The following IL2RA variants were observed in gnomAD, a reference collection of about 807,000 sequenced individuals.
The protein encoded by IL2RA is interleukin-2 receptor subunit alpha.
IL2RA carries 24 observed loss-of-function variants against 37.8 expected under a neutral mutation model. That is an observed-to-expected ratio of 0.63 (90% CI 0.46 to 0.89). The LOEUF (loss-of-function observed/expected upper bound fraction) is 0.89, where lower values mean the gene tolerates loss of function less well. Among genes scored for constraint, IL2RA ranks in the 40% least tolerant of loss-of-function variants. The probability of loss-of-function intolerance (pLI) is 0.00; values close to 1 mark genes in which losing one functional copy is unlikely to be tolerated. For missense variants in IL2RA, 319 were observed against 348.6 expected, an observed-to-expected ratio of 0.92 and a Z score of 0.68; for synonymous variants, 125 against 114.6, an observed-to-expected ratio of 1.09 and a Z score of -0.58.
intron 1 of IL2RA, among the ~76,000 whole-genome samples, chr10:6,037,716 C>T (rs371457116): frequency 6.6e-6 from 1 of 152,118 alleles, no homozygotes; most frequent in Non-Finnish European, 1.5e-5. Context: ...TCACTGCCCC[C>T]CTGTGGCCCC....
rs938473939 is a variant in IL2RA at position 6,035,781 on chromosome 10, C to T, written c.65-9756G>A. Among the ~76,000 whole-genome samples the T allele has an allele frequency of 2.6e-5, 4 of 152,188 alleles. No homozygotes were observed. Among genetic ancestry groups the T allele is most frequent in the Non-Finnish European group, 5.9e-5 (4 of 68,034 alleles). On this transcript the variant is annotated intron_variant, in intron 1 of 7. Coordinates refer to ENST00000379959, the MANE Select transcript of IL2RA (RefSeq NM_000417.3). The surrounding 1 kb of genome is among the most constrained non-coding windows in gnomAD (Gnocchi z 5.4). ...CAAACCGAGTTCTTCTAGTGTTGAG[C>T]GTGTTTCACATCTTCCGTTGGAGTT...
rs1464683810 is a variant in IL2RA, at chr10:6,044,997, T to C, written c.64+17091A>G. Among the ~76,000 whole-genome samples the C allele has an allele frequency of 1.3e-5, 2 of 152,202 alleles. No individual in the cohort carries two copies. The highest frequency in any genetic ancestry group is 2.4e-5 in the African/African-American group (1 of 41,448). On this transcript the variant is annotated intron_variant, in intron 1 of 7. Transcript: ENST00000379959. This position sits in a 1 kb window ranked among gnomAD's most constrained non-coding sequence, Gnocchi z 4.5. ...AAATGTGGGAGAAGTAAAGTGCCTG[T>C]CTCAGGGCTTGGGGGATTTAAGGAA...
chr10:6,045,780 G>C (rs953464640), intron 1 of IL2RA, among the ~76,000 whole-genome samples: 1 of 152,158 alleles, frequency 6.6e-6, no homozygotes, highest in Non-Finnish European at 1.5e-5. Flanking sequence ...GCGAGGAGCT[G>C]AGGAAATTTT....
In IL2RA at chr10:6,014,413, A is replaced by T. The variant is rs1839243714; in HGVS notation, c.795-1517T>A. ...AACTGACTAGAGGGGTCATTTCTAGATGTATGTTTGAGTCTCCCCAAAGAT... is the reference window on the plus strand; with the variant it reads ...AACTGACTAGAGGGGTCATTTCTAGTTGTATGTTTGAGTCTCCCCAAAGAT... On this transcript the variant is annotated intron_variant, in intron 7 of 7. Transcript: ENST00000379959. The surrounding 1 kb of genome is among the most constrained non-coding windows in gnomAD (Gnocchi z 4.4). 6.6e-6 allele frequency among the ~76,000 whole-genome samples: 1 copy of T among 152,126 alleles called. No homozygotes were observed. Among genetic ancestry groups the T allele is most frequent in the Non-Finnish European group, 1.5e-5 (1 of 68,022 alleles).
chr10:6,018,446 A>G lies in IL2RA; in HGVS notation c.728-327T>C, dbSNP rs1839316329. Among the ~76,000 whole-genome samples the G allele has an allele frequency of 6.6e-6, 1 of 151,976 alleles. No individual in the cohort carries two copies. The highest frequency in any genetic ancestry group is 2.4e-5 in the African/African-American group (1 of 41,366). On this transcript the variant is annotated intron_variant, in intron 6 of 7. Transcript: ENST00000379959. The surrounding 1 kb of genome is among the most constrained non-coding windows in gnomAD (Gnocchi z 5.1). The stretch of plus-strand genomic sequence containing the variant: ...GTAAAAGAAATGTTGAAATATGAAG[A>G]TGATGAGAAGCACATTAACATCTCC...
chr10:6,047,992 C>T lies in IL2RA; in HGVS notation c.64+14096G>A, dbSNP rs1839893301. On this transcript the variant is annotated intron_variant, in intron 1 of 7. Coordinates refer to ENST00000379959, the MANE Select transcript of IL2RA (RefSeq NM_000417.3). This position sits in a 1 kb window ranked among gnomAD's most constrained non-coding sequence, Gnocchi z 5.0. ...TGACTTGCCCAGAGACACACAGCCC[C>T]TCAGTGGTGGAGCTAGGACTTGGAC... 6.6e-6 allele frequency among the ~76,000 whole-genome samples: 1 copy of T among 152,216 alleles called. No individual in the cohort carries two copies. The highest frequency in any genetic ancestry group is 2.4e-5 in the African/African-American group (1 of 41,452).
chr10:6,014,752 C>T lies in IL2RA; in HGVS notation c.795-1856G>A, dbSNP rs1018751061. ...CCCCTTAGAGAAACTGGTAGACTGC[C>T]GGGTATATGAATCATTCCTGCTACA... On this transcript the variant is annotated intron_variant, in intron 7 of 7. Coordinates refer to ENST00000379959, the MANE Select transcript of IL2RA (RefSeq NM_000417.3). This position sits in a 1 kb window ranked among gnomAD's most constrained non-coding sequence, Gnocchi z 4.4. Among the ~76,000 whole-genome samples the T allele has an allele frequency of 1.1e-4, 17 of 152,086 alleles. No homozygotes were observed. The highest frequency in any genetic ancestry group is 3.6e-4 in the African/African-American group (15 of 41,406).
chr10:6,016,546 G>A (rs1839283252), intron 7 of IL2RA, among the ~76,000 whole-genome samples: 1 of 152,012 alleles, frequency 6.6e-6, no homozygotes, highest in Non-Finnish European at 1.5e-5. Flanking sequence ...ATTCTGACTG[G>A]AGCCCAATCA....
rs1403643320 is a variant in IL2RA at position 6,051,817 on chromosome 10, C to CTATATATTTATATATA, written c.64+10270_64+10271insTATATATAAATATATA. Among the ~76,000 whole-genome samples the CTATATATTTATATATA allele has an allele frequency of 1.5e-4, 5 of 33,664 alleles. 1 individual carries two copies. Among genetic ancestry groups the CTATATATTTATATATA allele is most frequent in the African/African-American group, 4.6e-4 (5 of 10,864 alleles). 22.1% of individuals were successfully genotyped at this position (33,664 alleles called of 152,430 possible). On this transcript the variant is annotated intron_variant, in intron 1 of 7. Coordinates refer to ENST00000379959, the MANE Select transcript of IL2RA (RefSeq NM_000417.3). ...TACAGACGTGAGCCATCATGCCCAG[C>CTATATATTTATATATA]TATATATATATATATATATATATAT...
At chr10:6,050,747 C>T (rs1288023411) in intron 1 of IL2RA, among the ~76,000 whole-genome samples, 1 of 152,218 alleles carries the variant, frequency 6.6e-6, no homozygotes, top group East Asian at 1.9e-4. Context: ...CGCAGCAAGG[C>T]CTCCCTGGCC....
At chr10:6,039,777 A>T (rs1417492052) in intron 1 of IL2RA, 1 of 152,236 alleles carries the variant, frequency 6.6e-6, no homozygotes, top group Non-Finnish European at 1.5e-5. Context: ...CCTCCCAATC[A>T]TGTAACCATA....
At chr10:6,053,380 A>G (rs1273465261) in intron 1 of IL2RA, among the ~76,000 whole-genome samples, 1 of 152,258 alleles carries the variant, frequency 6.6e-6, no homozygotes, top group African/African-American at 2.4e-5. Context: ...ATAATACCTG[A>G]AAGATAGCAT....
At position 6,035,550 on chromosome 10, in the gene IL2RA, A is replaced by G. The variant is rs971002664; in HGVS notation, c.65-9525T>C. On this transcript the variant is annotated intron_variant, in intron 1 of 7. Transcript: ENST00000379959. This position sits in a 1 kb window ranked among gnomAD's most constrained non-coding sequence, Gnocchi z 5.4. ...ATATCTCTATTCTGGCAATAAAAGT[A>G]CTCTGGACACTGTTAAGGTGAGAAA... Among the ~76,000 whole-genome samples the G allele has an allele frequency of 1.3e-5, 2 of 152,056 alleles. No individual in the cohort carries two copies. The highest frequency in any genetic ancestry group is 2.9e-5 in the Non-Finnish European group (2 of 68,010).
At position 6,029,450 on chromosome 10, in the gene IL2RA, A is replaced by G. The variant is rs1839542270; in HGVS notation, c.65-3425T>C. Among the ~76,000 whole-genome samples the G allele has an allele frequency of 6.6e-6, 1 of 151,456 alleles. No individual in the cohort carries two copies. The highest frequency in any genetic ancestry group is 2.4e-5 in the African/African-American group (1 of 41,200). ...AAAGTGCTAGGATTACAGGAGTGAGACACTGTGTTCAGTGGTTTATTTTTA... is the reference window on the plus strand; with the variant it reads ...AAAGTGCTAGGATTACAGGAGTGAGGCACTGTGTTCAGTGGTTTATTTTTA... On this transcript the variant is annotated intron_variant, in intron 1 of 7. Coordinates refer to ENST00000379959, the MANE Select transcript of IL2RA (RefSeq NM_000417.3). The surrounding 1 kb of genome is among the most constrained non-coding windows in gnomAD (Gnocchi z 4.6).
In IL2RA at chr10:6,054,159, C is replaced by T. The variant is rs35070616; in HGVS notation, c.64+7929G>A. 4.1e-3 allele frequency among the ~76,000 whole-genome samples: 622 copies of T among 152,320 alleles called. 21 individuals are homozygous for T. The East Asian group carries it at 0.073, about 18-fold the overall frequency. On this transcript the variant is annotated intron_variant, in intron 1 of 7. Coordinates refer to ENST00000379959, the MANE Select transcript of IL2RA (RefSeq NM_000417.3). This position sits in a 1 kb window ranked among gnomAD's most constrained non-coding sequence, Gnocchi z 4.5. The stretch of plus-strand genomic sequence containing the variant: ...CCTCCTTAAGCAGGATGCCTGGATC[C>T]GGGTCGAGGGCTGCAGGCGGAGCTG...
At position 6,021,139 on chromosome 10, in the gene IL2RA, A is replaced by G. The variant is rs1214041248; in HGVS notation, c.583+339T>C. On this transcript the variant is annotated intron_variant, in intron 4 of 7. Transcript: ENST00000379959. The surrounding 1 kb of genome is among the most constrained non-coding windows in gnomAD (Gnocchi z 4.9). ...GGAAACTGGACTTGCCCTTGGAGCC[A>G]GAGGAGGCCTTGGTGGCTTAGAGAA... 6.6e-6 allele frequency among the ~76,000 whole-genome samples: 1 copy of G among 152,118 alleles called. No individual in the cohort carries two copies. Among genetic ancestry groups the G allele is most frequent in the Non-Finnish European group, 1.5e-5 (1 of 68,024 alleles).
In IL2RA at chr10:6,047,382, C is replaced by T. The variant is rs1839880792; in HGVS notation, c.64+14706G>A. ...CAAAGGCTGGTTGTCACCTGGGGGC[C>T]TCAGAAGCCACGGCACCAGAGGAGA... On this transcript the variant is annotated intron_variant, in intron 1 of 7. Transcript: ENST00000379959. This position sits in a 1 kb window ranked among gnomAD's most constrained non-coding sequence, Gnocchi z 5.0. Among the ~76,000 whole-genome samples, 1 of 152,194 alleles carries T rather than the reference C, an allele frequency of 6.6e-6. No homozygotes were observed. The highest frequency in any genetic ancestry group is 2.4e-5 in the African/African-American group (1 of 41,448).
rs115309327 is a variant in IL2RA, at chr10:6,055,219, G to A, written c.64+6869C>T. On this transcript the variant is annotated intron_variant, in intron 1 of 7. Coordinates refer to ENST00000379959, the MANE Select transcript of IL2RA (RefSeq NM_000417.3). ...ATGATTTCTAAATGCATTAAAGGTT[G>A]AGAAGTACTGCTTGAGCATACCTGT... Among the ~76,000 whole-genome samples, 287 of 152,286 alleles carry A rather than the reference G, an allele frequency of 1.9e-3. 2 individuals are homozygous for A. The highest frequency in any genetic ancestry group is 6.4e-3 in the African/African-American group (268 of 41,566).
chr10:6,034,967 GATT>G (rs2132872794), intron 1 of IL2RA, among the ~76,000 whole-genome samples: 1 of 152,278 alleles, frequency 6.6e-6, no homozygotes, highest in South Asian at 2.1e-4. Context: ...TCTTTTCTGA[GATT>G]ATTTGAAGTG....
Sources: gnomAD v4.1 joint callset for allele counts (sites outside exome capture counted in the v4.1 genomes callset) on GRCh38, gnomAD v4.1.1 for gene constraint, Gnocchi (gnomAD v3.1) non-coding constraint, MANE v1.5 for transcripts, NCBI Gene and HGNC (gene_info 2026-07-23, HGNC 2026-07-21) for gene names.